The following GPR137C variants were observed in gnomAD, a reference collection of about 807,000 sequenced individuals.
GPR137C encodes the protein integral membrane protein GPR137C.
A neutral mutation model predicts 43.4 loss-of-function variants in GPR137C; 27 were observed. The observed-to-expected ratio is 0.62, with a 90% CI of 0.46 to 0.86. GPR137C has a LOEUF of 0.86. Ranked by LOEUF, GPR137C falls within the 40% of genes least tolerant of loss-of-function variation. The pLI is 0.00. For missense variants in GPR137C, 522 were observed against 534.6 expected, an observed-to-expected ratio of 0.98 and a Z score of 0.23; for synonymous variants, 285 against 226.9, an observed-to-expected ratio of 1.26 and a Z score of -2.30.
At chr14:52,613,941 T>C (rs2139555781) in intron 3 of GPR137C, among the ~76,000 whole-genome samples, 1 of 152,306 alleles carries the variant, frequency 6.6e-6, no homozygotes, top group South Asian at 2.1e-4. Flanking sequence ...CCATTCTCCA[T>C]AGTGGTTGTA....
At chr14:52,554,543 T>C (rs1015961939) in intron 1 of GPR137C, among the ~76,000 whole-genome samples, 11 of 151,892 alleles carry the variant, frequency 7.2e-5, no homozygotes, top group African/African-American at 2.2e-4. Flanking sequence ...TTTAAGACTT[T>C]CCCCCAAAAA....
intron 1 of GPR137C, among the ~76,000 whole-genome samples, chr14:52,564,919 C>A (rs2038343290): frequency 6.6e-6 from 1 of 151,998 alleles, no homozygotes; most frequent in Admixed American, 6.6e-5. Flanking sequence ...TCCCACTTAT[C>A]TACCTCCTCC....
At position 52,632,213 on chromosome 14, in the gene GPR137C, C is replaced by G; in HGVS notation, c.771C>G (p.Tyr257Ter). The G allele has an allele frequency of 6.2e-7, 1 of 1,606,286 alleles. No homozygotes were observed. The highest frequency in any genetic ancestry group is 8.5e-7 in the Non-Finnish European group (1 of 1,173,018). The change falls in exon 4 of 7, where the codon TAC (tyrosine) becomes TAG (stop). Residue 257 changes from tyrosine to a stop codon, truncating the protein, a stop_gained. Coordinates refer to ENST00000321662, the MANE Select transcript of GPR137C (RefSeq NM_001099652.2). LOFTEE classifies it high-confidence loss of function. ...VVVGSVVILL[Y>*]SSRACYNLVV... ...TGGGCTCTGTAGTCATTCTTCTGTA[C>G]TCTTCCAGAGCTTGTTATAATTTGG...
At chr14:52,603,267 A>G (rs938497479) in intron 3 of GPR137C, among the ~76,000 whole-genome samples, 1 of 152,138 alleles carries the variant, frequency 6.6e-6, no homozygotes, top group Non-Finnish European at 1.5e-5. Context: ...GTTGTTTCAA[A>G]TGACAGGATT....
chr14:52,580,711 T>A (rs2038630899), intron 1 of GPR137C, among the ~76,000 whole-genome samples: 1 of 151,146 alleles, frequency 6.6e-6, no homozygotes, highest in Admixed American at 6.6e-5. Flanking sequence ...CTAAGAGAGA[T>A]GCAAGAAGAT....
At chr14:52,612,204 C>T (rs539517571) in intron 3 of GPR137C, 9 of 983,176 alleles carry the variant, frequency 9.2e-6, no homozygotes, top group Admixed American at 6.1e-5. Flanking sequence ...TCTAAACAGC[C>T]GTAGTGTCAC....
chr14:52,615,790 A>G (rs1199482567), intron 3 of GPR137C, among the ~76,000 whole-genome samples: 1 of 152,166 alleles, frequency 6.6e-6, no homozygotes, highest in Non-Finnish European at 1.5e-5. Context: ...TAGAAATGCC[A>G]CTGATTTGTG....
intron 1 of GPR137C, among the ~76,000 whole-genome samples, chr14:52,597,626 ATAATT>A (rs1285289711): frequency 2.0e-5 from 3 of 152,236 alleles, no homozygotes; most frequent in Non-Finnish European, 4.4e-5. Flanking sequence ...TATCTAAAGA[ATAATT>A]TAAAGTTCAC....
intron 3 of GPR137C, among the ~76,000 whole-genome samples, chr14:52,623,419 C>A (rs1051033557): frequency 6.6e-6 from 1 of 152,100 alleles, no homozygotes; most frequent in African/African-American, 2.4e-5. Context: ...AATAACTTAG[C>A]CTTTAAAATG....
chr14:52,617,076 T>C (rs1358732443), intron 3 of GPR137C, among the ~76,000 whole-genome samples: 1 of 152,234 alleles, frequency 6.6e-6, no homozygotes, highest in Non-Finnish European at 1.5e-5. Context: ...CTCTGGCTGC[T>C]ATGTTCAGAG....
At chr14:52,558,052 T>G (rs1477490884) in intron 1 of GPR137C, among the ~76,000 whole-genome samples, 1 of 151,258 alleles carries the variant, frequency 6.6e-6, no homozygotes, top group Non-Finnish European at 1.5e-5. Flanking sequence ...CAGAGAGTAG[T>G]CAGTCTTTTT....
At chr14:52,559,527 T>C (rs562688005) in intron 1 of GPR137C, among the ~76,000 whole-genome samples, 10 of 152,188 alleles carry the variant, frequency 6.6e-5, no homozygotes, top group African/African-American at 2.4e-4. Context: ...AATTAACTTT[T>C]AGTAAATGAG....
intron 3 of GPR137C, among the ~76,000 whole-genome samples, chr14:52,601,473 ATAT>A (rs1432727878): frequency 6.9e-6 from 1 of 145,534 alleles, no homozygotes; most frequent in African/African-American, 2.5e-5. Flanking sequence ...GCTGGGGGAG[ATAT>A]TATGTGTGTG....
chr14:52,558,139 CACAAATGT>C (rs1255049479), intron 1 of GPR137C, among the ~76,000 whole-genome samples: 1 of 149,626 alleles, frequency 6.7e-6, no homozygotes, highest in Admixed American at 6.7e-5. Context: ...TAAAATATCA[CACAAATGT>C]GTGTCTTGGG....
chr14:52,573,942 T>G (rs1035094478), intron 1 of GPR137C, among the ~76,000 whole-genome samples: 1 of 152,088 alleles, frequency 6.6e-6, no homozygotes, highest in Non-Finnish European at 1.5e-5. Flanking sequence ...AAGAAGACAT[T>G]TATGTGGCCA....
In GPR137C at chr14:52,633,425, T is replaced by C. The variant is rs1409019442; in HGVS notation, c.868-105T>C. 3.5e-6 allele frequency: 3 copies of C among 869,082 alleles called. No individual in the cohort carries two copies. The African/African-American group carries it at 5.1e-5, about 15-fold the overall frequency. The allele number at this position is 869,082 out of a possible 1,614,324, so 53.8% of individuals were successfully genotyped here. A position where few individuals can be genotyped will look rare whatever the true frequency, so the allele number is the denominator to read the frequency against. On this transcript the variant is annotated intron_variant, in intron 4 of 6. Transcript: ENST00000321662. ...GAAAGTTTTAGAGTTTATGTGCTTGTAGTTGATATATTTTATCTTACCTGA... is the reference window on the plus strand; with the variant it reads ...GAAAGTTTTAGAGTTTATGTGCTTGCAGTTGATATATTTTATCTTACCTGA...
chr14:52,580,644 G>A (rs955232773), intron 1 of GPR137C, among the ~76,000 whole-genome samples: 6 of 151,990 alleles, frequency 3.9e-5, no homozygotes, highest in Admixed American at 2.6e-4. Flanking sequence ...GATTACAGGC[G>A]TGAGCCAACA....
chr14:52,632,103 T>A, intron 3 of GPR137C, 57 bp from the exon 4 acceptor site: 1 of 1,227,012 alleles, frequency 8.1e-7, no homozygotes, highest in Non-Finnish European at 1.2e-6. Flanking sequence ...TGTACATGAA[T>A]AGCTTGTCGT....
chr14:52,615,118 TTTAA>T (rs2039084039), intron 3 of GPR137C, among the ~76,000 whole-genome samples: 1 of 152,248 alleles, frequency 6.6e-6, no homozygotes, highest in Non-Finnish European at 1.5e-5. Flanking sequence ...TTCGTTTTGA[TTTAA>T]TTTTTGCATG....
Sources: gnomAD v4.1 joint callset for allele counts (sites outside exome capture counted in the v4.1 genomes callset) on GRCh38, gnomAD v4.1.1 for gene constraint, MANE v1.5 for transcripts, NCBI Gene and HGNC (gene_info 2026-07-23, HGNC 2026-07-21) for gene names.